AQP8: variants seen among roughly 807,000 people sequenced by gnomAD.
AQP8 encodes aquaporin 8, also known as aquaporin-8.
A neutral mutation model predicts 26.1 loss-of-function variants in AQP8; 14 were observed. The ratio of observed to expected loss-of-function variants is 0.54; its 90% CI spans 0.35 to 0.84. AQP8 has a LOEUF of 0.84. Ranked by LOEUF, AQP8 falls within the 40% of genes least tolerant of loss-of-function variation. The pLI is 0.01. For synonymous variants in AQP8, 131 were observed against 150.7 expected (o/e 0.87, Z 0.96); for missense variants, 301 against 340.5 (o/e 0.88, Z 0.91).
chr16:25,220,770 G>C (rs988430093), intron 2 of AQP8, among the ~76,000 whole-genome samples: 2 of 152,224 alleles, frequency 1.3e-5, no homozygotes, highest in African/African-American at 4.8e-5. Context: ...GGAGACCCGG[G>C]CCGGGCACGG....
chr16:25,220,320 T>C (rs547527243), intron 2 of AQP8, among the ~76,000 whole-genome samples: 3 of 152,236 alleles, frequency 2.0e-5, no homozygotes, highest in Admixed American at 6.5e-5. Context: ...TTCTCTCTCA[T>C]TGGGGAGTAT....
chr16:25,218,404 G>A (rs1429973348), intron 2 of AQP8, among the ~76,000 whole-genome samples: 1 of 152,154 alleles, frequency 6.6e-6, no homozygotes, highest in Non-Finnish European at 1.5e-5. Flanking sequence ...TCAATGGGGA[G>A]GTCTGTGGAC....
intron 2 of AQP8, among the ~76,000 whole-genome samples, chr16:25,219,447 G>C (rs1323726855): frequency 6.6e-6 from 1 of 151,560 alleles, no homozygotes; most frequent in African/African-American, 2.4e-5. Context: ...CACACAGTAA[G>C]TGTCAGAGAA....
chr16:25,224,253 A>C, intron 3 of AQP8, 109 bp from the exon 4 acceptor site: 2 of 1,008,734 alleles, frequency 2.0e-6, no homozygotes, highest in Non-Finnish European at 2.9e-6. Context: ...ATTGGACATA[A>C]CCCTTCACTG....
rs753078393 is a variant in AQP8, at chr16:25,217,338, C to T, written c.153C>T (p.Ile51=). ...TGGGCTCTGCTCTCTTCATCTTCAT[C>T]GGGTGCCTGTCGGTCATTGAGAATG... is the stretch of plus-strand genomic sequence containing the variant. ...ELLGSALFIF[I]GCLSVIENGT... The change falls in exon 2 of 6, where the codon ATC becomes ATT. Residue 51 remains isoleucine (I), a synonymous_variant. Transcript: ENST00000219660. 27 of 1,614,014 alleles carry T rather than the reference C, an allele frequency of 1.7e-5. No individual in the cohort carries two copies. The highest frequency in any genetic ancestry group is 3.3e-4 in the Middle Eastern group (2 of 6,084).
chr16:25,226,881 C>T (rs978393139), intron 4 of AQP8, among the ~76,000 whole-genome samples, 187 bp from the exon 5 acceptor site: 6 of 152,128 alleles, frequency 3.9e-5, no homozygotes, highest in African/African-American at 1.4e-4. Context: ...AGCGGGGAGC[C>T]ATGCCTTCTG....
At chr16:25,223,072 T>A (rs760218357) in intron 3 of AQP8, among the ~76,000 whole-genome samples, 21 of 152,268 alleles carry the variant, frequency 1.4e-4, no homozygotes, top group Non-Finnish European at 2.4e-4. Flanking sequence ...GCGCTTACCT[T>A]GTGCCAGGCA....
Position 25,217,209 on chromosome 16 carries a change from T to A in AQP8, c.24T>A (p.Cys8Ter). 2 of 1,614,166 alleles carry A rather than the reference T, an allele frequency of 1.2e-6. No individual in the cohort carries two copies. Among genetic ancestry groups the A allele is most frequent in the Non-Finnish European group, 1.7e-6 (2 of 1,180,036 alleles). Residue 8 changes from cysteine (C) to a stop codon, truncating the protein, a stop_gained, in exon 2 of 6, where the codon TGT (cysteine) becomes TGA (stop). Transcript: ENST00000219660. LOFTEE classifies it high-confidence loss of function. ...TTTCCCTACGGCAGATAGCCATGTG[T>A]GAGCCTGAATTTGGCAATGACAAGG... is the stretch of plus-strand genomic sequence containing the variant. MSGEIAMCEPEFGNDKAR... is the reference protein window; with the variant it reads MSGEIAM
At chr16:25,225,486 T>TTA (rs1555488526) in intron 4 of AQP8, among the ~76,000 whole-genome samples, 27 of 150,206 alleles carry the variant, frequency 1.8e-4, no homozygotes, top group South Asian at 8.4e-4. Flanking sequence ...TTTTTTTTTT[T>TTA]AGCTCCGCTT....
Position 25,219,568 on chromosome 16 carries a change from G to A in AQP8, c.261-1889G>A, listed in dbSNP as rs1337760435. ...TTTTCGTCACCTGGCCCTCCTGATA[G>A]AGCCATGCTCTGGGTGACAGTTTCT... On this transcript the variant is annotated intron_variant, in intron 2 of 5. Coordinates refer to ENST00000219660, the MANE Select transcript of AQP8 (RefSeq NM_001169.3). Among the ~76,000 whole-genome samples the A allele has an allele frequency of 1.3e-5, 2 of 151,482 alleles. 1 individual carries two copies. The highest frequency in any genetic ancestry group is 4.9e-5 in the African/African-American group (2 of 41,070).
rs1962668670 is a variant in AQP8, at chr16:25,228,696, A to G, written c.*204A>G. On this transcript the variant is annotated 3_prime_UTR_variant, in exon 6 of 6. Transcript: ENST00000219660. ...TGGAATTCCTTTGTGCTCATCAGAG[A>G]CCCCAGCCTGGGGAACACGCTGCCC... 5.3e-6 allele frequency: 3 copies of G among 565,636 alleles called. No homozygotes were observed. Among genetic ancestry groups the G allele is most frequent in the Non-Finnish European group, 9.5e-6 (3 of 316,542 alleles). The allele number at this position is 565,636 out of a possible 1,614,324, so 35.0% of individuals were successfully genotyped here.
Position 25,224,477 on chromosome 16 carries a change from T to C in AQP8, c.503T>C (p.Leu168Pro). 6.2e-7 allele frequency: 1 copy of C among 1,614,156 alleles called. No homozygotes were observed. The highest frequency in any genetic ancestry group is 8.5e-7 in the Non-Finnish European group (1 of 1,180,018). Residue 168 changes from leucine (L) to proline (P), a missense_variant, in exon 4 of 6, where the codon CTG (leucine) becomes CCG (proline). Physicochemically the swap from Leu to Pro is moderately conservative, Grantham distance 98. Transcript: ENST00000219660. ...LVAEIILTTL[L>P]ALAVCMGAIN... ...GCAGAGATCATCCTGACGACGCTGC[T>C]GGCCCTGGCTGTATGCATGGGTGCC... is the stretch of plus-strand genomic sequence containing the variant.
chr16:25,219,517 A>G (rs1962530191), intron 2 of AQP8, among the ~76,000 whole-genome samples: 1 of 151,510 alleles, frequency 6.6e-6, no homozygotes, highest in Non-Finnish European at 1.5e-5. Context: ...TTTATTGCTA[A>G]TGAGTGTAAA....
At chr16:25,227,342 G>A in intron 5 of AQP8, 140 bp downstream of exon 5, 2 of 1,025,316 alleles carry the variant, frequency 2.0e-6, no homozygotes, top group South Asian at 1.7e-5. Flanking sequence ...AAAGAAAATG[G>A]CTCCATCTAG....
chr16:25,217,107 G>A (rs932181732), intron 1 of AQP8, 50 bp downstream of exon 1: 3 of 1,613,644 alleles, frequency 1.9e-6, no homozygotes, highest in African/African-American at 2.7e-5. Flanking sequence ...AGCAAGGGGG[G>A]CTGTGAATTA....
chr16:25,223,704 G>A (rs1962593682), intron 3 of AQP8, among the ~76,000 whole-genome samples: 1 of 152,114 alleles, frequency 6.6e-6, no homozygotes, highest in Non-Finnish European at 1.5e-5. Flanking sequence ...GCTAGACTCT[G>A]TGTCAAAGAA....
At chr16:25,228,298 G>GTC (rs1567345761) in intron 5 of AQP8, 146 bp from the exon 6 acceptor site, 13 of 656,620 alleles carry the variant, frequency 2.0e-5, no homozygotes, top group African/African-American at 7.3e-5. Context: ...GCAGGAAACT[G>GTC]TCTCTCTCTC....
chr16:25,221,838 G>A (rs1025163428), intron 3 of AQP8, among the ~76,000 whole-genome samples: 1 of 152,110 alleles, frequency 6.6e-6, no homozygotes, highest in African/African-American at 2.4e-5. Flanking sequence ...CCTGATCTTG[G>A]CTCACTGCAA....
intron 2 of AQP8, 130 bp from the exon 3 acceptor site, chr16:25,221,327 T>C (rs1962559305): frequency 3.6e-6 from 4 of 1,122,348 alleles, no homozygotes; most frequent in East Asian, 2.4e-5. Context: ...TCTTTGTATT[T>C]GAGCTGGGCC....
Sources: gnomAD v4.1 joint callset for allele counts (sites outside exome capture counted in the v4.1 genomes callset) on GRCh38, gnomAD v4.1.1 for gene constraint, MANE v1.5 for transcripts, NCBI Gene and HGNC (gene_info 2026-07-23, HGNC 2026-07-21) for gene names.